Variants in EFR3B observed in about 807,000 individuals in gnomAD.
The protein encoded by EFR3B is protein EFR3 homolog B.
A neutral mutation model predicts 104.7 loss-of-function variants in EFR3B; 64 were observed. That is an observed-to-expected ratio of 0.61 (90% CI 0.50 to 0.75). The LOEUF is 0.75. Ranked by LOEUF, EFR3B falls within the 30% of genes least tolerant of loss-of-function variation. The pLI is 0.00. For synonymous variants in EFR3B, 385 were observed against 417.9 expected (o/e 0.92, Z 0.96); for missense variants, 750 against 1,078.5 (o/e 0.70, Z 4.27).
intron 3 of EFR3B, among the ~76,000 whole-genome samples, chr2:25,101,545 C>T (rs1038053401): frequency 3.9e-5 from 6 of 152,110 alleles, no homozygotes; most frequent in South Asian, 2.1e-4. Flanking sequence ...GAAGGGGTCT[C>T]GCCATGTTGC....
At chr2:25,084,221 A>AT (rs200525896) in intron 1 of EFR3B, among the ~76,000 whole-genome samples, 15 of 149,604 alleles carry the variant, frequency 1.0e-4, no homozygotes, top group East Asian at 7.9e-4. Flanking sequence ...TTAATTAATT[A>AT]TTTTTTTTTT....
intron 1 of EFR3B, among the ~76,000 whole-genome samples, chr2:25,082,038 G>A (rs762740373): frequency 1.2e-4 from 19 of 152,330 alleles, no homozygotes; most frequent in East Asian, 1.9e-4. Flanking sequence ...GGGCTGCGAC[G>A]CCTAGGGGTC....
At chr2:25,064,653 C>A (rs1332503361) in intron 1 of EFR3B, among the ~76,000 whole-genome samples, 1 of 152,098 alleles carries the variant, frequency 6.6e-6, no homozygotes, top group South Asian at 2.1e-4. Flanking sequence ...TTAAAAAAAT[C>A]GAATGCCTCG....
At chr2:25,113,249 C>T (rs1417390191) in intron 4 of EFR3B, among the ~76,000 whole-genome samples, 1 of 152,070 alleles carries the variant, frequency 6.6e-6, no homozygotes, top group Non-Finnish European at 1.5e-5. Context: ...AACCAAATAA[C>T]CAAACAAACA....
At chr2:25,064,460 T>C (rs1313330833) in intron 1 of EFR3B, among the ~76,000 whole-genome samples, 1 of 152,232 alleles carries the variant, frequency 6.6e-6, no homozygotes, top group Non-Finnish European at 1.5e-5. Flanking sequence ...GGCTGCCTGC[T>C]GACCACAATA....
chr2:25,059,260 G>A (rs1668113230), intron 1 of EFR3B, among the ~76,000 whole-genome samples: 1 of 151,806 alleles, frequency 6.6e-6, no homozygotes, highest in Non-Finnish European at 1.5e-5. Context: ...TTACAAGCAT[G>A]CTAATAAGAG....
intron 12 of EFR3B, among the ~76,000 whole-genome samples, chr2:25,133,710 C>T (rs1670445145): frequency 6.6e-6 from 1 of 152,236 alleles, no homozygotes; most frequent in Admixed American, 6.5e-5. Context: ...CAGACGTGAT[C>T]TGTCTTGAGA....
At chr2:25,064,718 A>T (rs1345529249) in intron 1 of EFR3B, among the ~76,000 whole-genome samples, 2 of 152,240 alleles carry the variant, frequency 1.3e-5, no homozygotes, top group East Asian at 3.8e-4. Flanking sequence ...AGCCCAGATC[A>T]CATTAAAGAA....
chr2:25,115,226 C>A (rs892112501), intron 4 of EFR3B, among the ~76,000 whole-genome samples: 1 of 152,062 alleles, frequency 6.6e-6, no homozygotes, highest in African/African-American at 2.4e-5. Context: ...AAGCCCAACC[C>A]CTAGAGAGTT....
chr2:25,098,395 C>A (rs1217762687), intron 3 of EFR3B, among the ~76,000 whole-genome samples: 1 of 152,182 alleles, frequency 6.6e-6, no homozygotes, highest in Non-Finnish European at 1.5e-5. Context: ...TTACTCCCCA[C>A]TCCTCCTTTC....
chr2:25,148,715 G>A (rs1353973634), intron 19 of EFR3B, among the ~76,000 whole-genome samples: 1 of 150,502 alleles, frequency 6.6e-6, no homozygotes, highest in East Asian at 2.0e-4. Context: ...GAGGTCAGGA[G>A]ATCGAGACCA....
chr2:25,086,392 G>A (rs542488248), intron 1 of EFR3B, among the ~76,000 whole-genome samples: 9 of 152,326 alleles, frequency 5.9e-5, no homozygotes, highest in African/African-American at 1.7e-4. Context: ...CAATGAATGA[G>A]GGTTCTTGCT....
At chr2:25,076,393 GT>G (rs1668634365) in intron 1 of EFR3B, among the ~76,000 whole-genome samples, 1 of 152,064 alleles carries the variant, frequency 6.6e-6, no homozygotes, top group African/African-American at 2.4e-5. Flanking sequence ...CAATTACTGA[GT>G]TCTTACTGTG....
Position 25,144,978 on chromosome 2 carries a change from AGAG to A in EFR3B, c.2076_2078del (p.Arg692del). 6.4e-7 allele frequency: 1 copy of A among 1,551,744 alleles called. No individual in the cohort carries two copies. Among genetic ancestry groups the A allele is most frequent in the Non-Finnish European group, 8.7e-7 (1 of 1,147,004 alleles). The stretch of plus-strand genomic sequence containing the variant: ...TCCCCAGATGAGGATCGTTTATCCA[AGAG>A]GAGGAGCATTGGAGAGACCATCTCC... On this transcript the variant is annotated inframe_deletion, in exon 19 of 23. Coordinates refer to ENST00000403714, the MANE Select transcript of EFR3B (RefSeq NM_014971.2).
intron 19 of EFR3B, among the ~76,000 whole-genome samples, 179 bp from the exon 20 acceptor site, chr2:25,149,515 T>A (rs577036781): frequency 1.3e-5 from 2 of 152,274 alleles, no homozygotes; most frequent in East Asian, 3.9e-4. Flanking sequence ...CTCGCTGTCC[T>A]CTGTGCCTGC....
At chr2:25,052,923 A>G (rs141255018) in intron 1 of EFR3B, among the ~76,000 whole-genome samples, 1 of 152,338 alleles carries the variant, frequency 6.6e-6, no homozygotes, top group African/African-American at 2.4e-5. Context: ...TTCCTATTTT[A>G]GAAATGAGAA....
chr2:25,097,853 C>A (rs918099450), intron 3 of EFR3B, among the ~76,000 whole-genome samples: 1 of 152,162 alleles, frequency 6.6e-6, no homozygotes, highest in African/African-American at 2.4e-5. Context: ...TCGACAGTGA[C>A]CCCTGAGCAT....
chr2:25,045,377 G>T (rs1667686563), intron 1 of EFR3B, among the ~76,000 whole-genome samples: 1 of 152,236 alleles, frequency 6.6e-6, no homozygotes, highest in African/African-American at 2.4e-5. Context: ...ATCCTATGAA[G>T]GCAGACTGAC....
chr2:25,141,624 G>T (rs1228236252), intron 17 of EFR3B, among the ~76,000 whole-genome samples, 191 bp downstream of exon 17: 1 of 152,228 alleles, frequency 6.6e-6, no homozygotes, highest in Non-Finnish European at 1.5e-5. Flanking sequence ...TGCAGTCCAT[G>T]CCTCGAGCAT....
Sources: gnomAD v4.1 joint callset for allele counts (sites outside exome capture counted in the v4.1 genomes callset) on GRCh38, gnomAD v4.1.1 for gene constraint, MANE v1.5 for transcripts, NCBI Gene and HGNC (gene_info 2026-07-23, HGNC 2026-07-21) for gene names.